IL17REL: variants seen among roughly 807,000 people sequenced by gnomAD.
IL17REL encodes interleukin-17 receptor E-like protein.
IL17REL carries 36 observed loss-of-function variants against 49.0 expected under a neutral mutation model. The ratio of observed to expected loss-of-function variants is 0.73; its 90% confidence interval spans 0.56 to 0.97. IL17REL has a LOEUF of 0.97. Among genes scored for constraint, IL17REL ranks in the 50% least tolerant of loss-of-function variants. The probability of loss-of-function intolerance (pLI) is 0.00; values close to 1 mark genes in which losing one functional copy is unlikely to be tolerated. For missense variants in IL17REL, 470 were observed against 453.9 expected (o/e 1.04, Z -0.32); for synonymous variants, 206 against 192.4 (o/e 1.07, Z -0.58).
exon 13 of IL17REL, chr22:49,994,864 C>T (rs2061025523): frequency 6.6e-6 from 1 of 152,444 alleles, no homozygotes; most frequent in Non-Finnish European, 1.5e-5. Context: ...CTGCACAGGC[C>T]ACTGCTGGGC....
rs1569208309 is a variant in IL17REL, at chr22:49,998,132, C to T, written c.774+5G>A. ...CACCCCCATCCCTGCTGAGCAGGCA[C>T]TCACTCTGCGATGCACCAGCTGGCT... On this transcript the variant is annotated splice_donor_5th_base_variant and intron_variant, in intron 8 of 12. Coordinates refer to ENST00000341280, the Ensembl canonical transcript of IL17REL. 3.1e-6 allele frequency: 5 copies of T among 1,602,010 alleles called. No homozygotes were observed. The highest frequency in any genetic ancestry group is 4.3e-6 in the Non-Finnish European group (5 of 1,174,630).
exon 11 of IL17REL, chr22:49,997,338 G>GTGGGGCCCAGGC: frequency 6.2e-7 from 1 of 1,613,686 alleles, no homozygotes; most frequent in Non-Finnish European, 8.5e-7. Context: ...AAGGGAGCGG[G>GTGGGGCCCAGGC]CTGGCCTGGA....
downstream of IL17REL, among the ~76,000 whole-genome samples, chr22:49,993,167 C>T (rs372930370): frequency 3.9e-5 from 6 of 152,320 alleles, no homozygotes; most frequent in Admixed American, 2.0e-4. The surrounding 1 kb of genome is among the most constrained non-coding windows in gnomAD (Gnocchi z 6.0). Flanking sequence ...CTGCAGGGCC[C>T]GGGATCTTTG....
At chr22:50,011,019 C>A (rs1182868988), upstream of IL17REL, among the ~76,000 whole-genome samples, 1 of 151,080 alleles carries the variant, frequency 6.6e-6, no homozygotes. Context: ...CCCCAGGGCG[C>A]GGCTGTAGCC....
chr22:49,999,949 CAGTA>C lies in IL17REL; in HGVS notation c.349_352del (p.Tyr117GlyfsTer42), dbSNP rs2061068123. ...AATCGCCTTGCGCCTCCGGTCCACC[CAGTA>C]GCTGAGCTTCCCCGCTGCAGGAGGC... On this transcript the variant is annotated frameshift_variant, in exon 5 of 13. Coordinates refer to ENST00000341280, the Ensembl canonical transcript of IL17REL. LOFTEE classifies it high-confidence loss of function. 1 of 1,519,920 alleles carries C rather than the reference CAGTA, an allele frequency of 6.6e-7. No homozygotes were observed. The highest frequency in any genetic ancestry group is 1.4e-5 in the African/African-American group (1 of 70,984). 94.2% of individuals were successfully genotyped at this position (1,519,920 alleles called of 1,614,324 possible). A position where few individuals can be genotyped will look rare whatever the true frequency, so the allele number is the denominator to read the frequency against.
upstream of IL17REL, among the ~76,000 whole-genome samples, chr22:50,010,067 C>T (rs2061130653): frequency 7.4e-6 from 1 of 134,972 alleles, no homozygotes; most frequent in South Asian, 2.5e-4. Flanking sequence ...TGCAGATGGC[C>T]TCTGAGTCTT....
intron 11 of IL17REL, 72 bp downstream of exon 13, chr22:49,997,248 A>C: frequency 6.6e-7 from 1 of 1,508,134 alleles, no homozygotes; most frequent in Non-Finnish European, 9.1e-7. Context: ...AGAGACCACC[A>C]CAGGGAAGTG....
chr22:50,012,236 G>A (rs1403430251), upstream of IL17REL, among the ~76,000 whole-genome samples: 1 of 152,240 alleles, frequency 6.6e-6, no homozygotes, highest in Non-Finnish European at 1.5e-5. Context: ...CAGCCGAGCG[G>A]GGTGGGGTGG....
downstream of IL17REL, among the ~76,000 whole-genome samples, chr22:49,994,129 A>T (rs568340684): frequency 2.1e-3 from 319 of 151,404 alleles, no homozygotes; most frequent in Non-Finnish European, 3.5e-3. Context: ...GCATCCCCCC[A>T]TGCCCCTGAT....
exon 13 of IL17REL, chr22:49,995,142 C>T (rs1310791654): frequency 2.0e-5 from 3 of 152,432 alleles, no homozygotes; most frequent in African/African-American, 7.2e-5. Flanking sequence ...TGGGGTGATC[C>T]TTGACCACCT....
intron 9 of IL17REL, 125 bp downstream of exon 11, chr22:49,997,900 G>A (rs1285860025): frequency 5.0e-6 from 7 of 1,413,970 alleles, no homozygotes; most frequent in African/African-American, 4.3e-5. Context: ...ACCAGGAGGG[G>A]GCTCTGAGGG....
At chr22:50,007,007 AT>A (rs1025712509) in intron 1 of IL17REL, among the ~76,000 whole-genome samples, 2 of 152,016 alleles carry the variant, frequency 1.3e-5, no homozygotes, top group Non-Finnish European at 2.9e-5. Context: ...CTATATGACA[AT>A]TTTCATAGAT....
intron 7 of IL17REL, 107 bp downstream of exon 9, chr22:49,999,184 G>A (rs529473785): frequency 2.7e-5 from 36 of 1,344,524 alleles, no homozygotes; most frequent in Non-Finnish European, 4.3e-6. Flanking sequence ...AGGGATTTAG[G>A]CTGGGCCTGC....
chr22:49,998,125 G>A lies in IL17REL; in HGVS notation c.774+12C>T, dbSNP rs769796324. ...CCATGCCCACCCCCATCCCTGCTGA[G>A]CAGGCACTCACTCTGCGATGCACCA... On this transcript the variant is annotated intron_variant, in intron 8 of 12. Transcript: ENST00000341280. The A allele has an allele frequency of 3.8e-5, 61 of 1,600,384 alleles. No homozygotes were observed. The highest frequency in any genetic ancestry group is 5.2e-5 in the Non-Finnish European group (61 of 1,173,592).
At chr22:50,001,315 G>GC (rs1201079309) in intron 1 of IL17REL, 84 bp from the exon 3 acceptor site, 1 of 602,698 alleles carries the variant, frequency 1.7e-6, no homozygotes, top group East Asian at 2.9e-5. Flanking sequence ...GGGGGAGAGA[G>GC]CCCTGGGGCT....
intron 11 of IL17REL, 54 bp from the exon 14 acceptor site, chr22:49,997,128 A>G: frequency 6.6e-7 from 1 of 1,511,942 alleles, no homozygotes; most frequent in Non-Finnish European, 9.0e-7. Flanking sequence ...GATCAGGCTA[A>G]ACACTGTCCT....
At chr22:50,003,544 G>C (rs905726142) in intron 1 of IL17REL, among the ~76,000 whole-genome samples, 1 of 82,094 alleles carries the variant, frequency 1.2e-5, no homozygotes, top group Non-Finnish European at 2.6e-5. Flanking sequence ...AAAAAAAAAA[G>C]GCTGGGCATG....
intron 1 of IL17REL, among the ~76,000 whole-genome samples, chr22:50,003,543 A>AG (rs1569210994): frequency 4.1e-5 from 6 of 147,382 alleles, no homozygotes; most frequent in Admixed American, 6.7e-5. Flanking sequence ...AAAAAAAAAA[A>AG]GGCTGGGCAT....
At chr22:50,004,422 G>C (rs902234145) in intron 1 of IL17REL, among the ~76,000 whole-genome samples, 1 of 152,190 alleles carries the variant, frequency 6.6e-6, no homozygotes, top group African/African-American at 2.4e-5. Flanking sequence ...GGGATAAAAA[G>C]CCAGGCTGTG....
Sources: allele counts gnomAD v4.1 joint callset (sites outside exome capture counted in the v4.1 genomes callset), GRCh38; gene constraint gnomAD v4.1.1; non-coding constraint Gnocchi (gnomAD v3.1); transcripts MANE v1.5; gene names NCBI Gene and HGNC (gene_info 2026-07-23, HGNC 2026-07-21).